TRAM2: variants seen among roughly 807,000 people sequenced by gnomAD.
TRAM2 encodes the protein translocating chain-associated membrane protein 2.
A neutral mutation model predicts 51.0 loss-of-function variants in TRAM2; 12 were observed. The observed-to-expected ratio is 0.24, with a 90% CI of 0.15 to 0.38. The LOEUF (loss-of-function observed/expected upper bound fraction) is 0.38. Ranked by LOEUF, TRAM2 falls within the 10% of genes least tolerant of loss-of-function variation. The pLI, the probability that TRAM2 is intolerant of heterozygous loss-of-function variation, is 1.00. For synonymous variants in TRAM2, 175 were observed against 179.4 expected (o/e 0.98, Z 0.20); for missense variants, 361 against 462.0 (o/e 0.78, Z 2.00).
chr6:52,559,428 T>C (rs1378291400), intron 1 of TRAM2, among the ~76,000 whole-genome samples: 1 of 152,196 alleles, frequency 6.6e-6, no homozygotes, highest in Non-Finnish European at 1.5e-5. Context: ...GGACCTTGAA[T>C]TGTGGCTCTG....
At chr6:52,536,977 A>G (rs552642208) in intron 1 of TRAM2, among the ~76,000 whole-genome samples, 1 of 152,310 alleles carries the variant, frequency 6.6e-6, no homozygotes, top group African/African-American at 2.4e-5. Context: ...CAGCATGGAA[A>G]TGAGTGAATG....
chr6:52,553,776 T>C (rs1175566211), intron 1 of TRAM2, among the ~76,000 whole-genome samples: 1 of 152,162 alleles, frequency 6.6e-6, no homozygotes, highest in African/African-American at 2.4e-5. Context: ...ATAGAATCCA[T>C]AAAGAGGACT....
At chr6:52,509,228 A>G (rs1766404712) in intron 5 of TRAM2, among the ~76,000 whole-genome samples, 1 of 152,160 alleles carries the variant, frequency 6.6e-6, no homozygotes, top group East Asian at 1.9e-4. Flanking sequence ...GGGGGTCGCC[A>G]AGAAGGTAGA....
intron 7 of TRAM2, among the ~76,000 whole-genome samples, chr6:52,506,403 C>G (rs1766351521): frequency 6.6e-6 from 1 of 152,224 alleles, no homozygotes; most frequent in Non-Finnish European, 1.5e-5. Flanking sequence ...CTCGCATAGG[C>G]CCTTCACAGT....
At chr6:52,571,354 C>A (rs1767677095) in intron 1 of TRAM2, among the ~76,000 whole-genome samples, 1 of 152,232 alleles carries the variant, frequency 6.6e-6, no homozygotes, top group South Asian at 2.1e-4. Context: ...GGAGCTCATG[C>A]CTGCCAGAGT....
chr6:52,520,786 T>C (rs1766657817), intron 2 of TRAM2, among the ~76,000 whole-genome samples: 1 of 152,164 alleles, frequency 6.6e-6, no homozygotes, highest in Non-Finnish European at 1.5e-5. Flanking sequence ...TTTCTGGTAA[T>C]ATACCATTCC....
chr6:52,514,952 TA>T (rs1355009213), intron 4 of TRAM2, among the ~76,000 whole-genome samples: 1 of 152,202 alleles, frequency 6.6e-6, no homozygotes, highest in African/African-American at 2.4e-5. Context: ...GCCCCCCATT[TA>T]AAATTCCTAG....
At chr6:52,524,043 G>T (rs1042278645) in intron 2 of TRAM2, 1 of 152,200 alleles carries the variant, frequency 6.6e-6, no homozygotes, top group Non-Finnish European at 1.5e-5. Flanking sequence ...GCAATAGAGC[G>T]ATTTAAAAAC....
chr6:52,556,262 T>C (rs1258245851), intron 1 of TRAM2, among the ~76,000 whole-genome samples: 2 of 142,654 alleles, frequency 1.4e-5, no homozygotes, highest in Non-Finnish European at 3.0e-5. Flanking sequence ...ACCCACTCAA[T>C]CTGTACTTTT....
chr6:52,504,260 G>A (rs965367604), intron 10 of TRAM2, among the ~76,000 whole-genome samples: 4 of 152,336 alleles, frequency 2.6e-5, no homozygotes, highest in East Asian at 1.9e-4. Context: ...AATGGGCGGC[G>A]GCGGCAGTAG....
At chr6:52,561,118 A>G (rs1767491791) in intron 1 of TRAM2, among the ~76,000 whole-genome samples, 1 of 152,226 alleles carries the variant, frequency 6.6e-6, no homozygotes, top group African/African-American at 2.4e-5. Context: ...GCTACGTGAA[A>G]GAAGCCAGGT....
At chr6:52,524,979 G>A (rs906670193) in intron 2 of TRAM2, 4 of 152,238 alleles carry the variant, frequency 2.6e-5, no homozygotes, top group East Asian at 1.9e-4. Flanking sequence ...ACAATCAGAC[G>A]CTAAAGGAAC....
At chr6:52,531,936 T>C (rs182810320) in intron 2 of TRAM2, among the ~76,000 whole-genome samples, 4 of 152,290 alleles carry the variant, frequency 2.6e-5, no homozygotes, top group Admixed American at 6.5e-5. Flanking sequence ...TGGCTAACAA[T>C]AGGCACACAA....
At chr6:52,532,792 T>G (rs763356060) in intron 2 of TRAM2, among the ~76,000 whole-genome samples, 2 of 151,344 alleles carry the variant, frequency 1.3e-5, no homozygotes, top group African/African-American at 4.8e-5. Context: ...ACAAAAAGGT[T>G]CATCATATTA....
chr6:52,523,913 A>G (rs1477647496), intron 2 of TRAM2: 1 of 152,270 alleles, frequency 6.6e-6, no homozygotes, highest in Admixed American at 6.5e-5. Context: ...GAGCTTAAAA[A>G]CACGCATTCT....
At chr6:52,517,775 A>G (rs926911526) in intron 2 of TRAM2, among the ~76,000 whole-genome samples, 10 of 152,240 alleles carry the variant, frequency 6.6e-5, no homozygotes, top group African/African-American at 2.4e-4. Flanking sequence ...ATTTACCAGA[A>G]GGTAGCCAGG....
chr6:52,563,754 G>C (rs1488166127), intron 1 of TRAM2, among the ~76,000 whole-genome samples: 2 of 150,894 alleles, frequency 1.3e-5, no homozygotes, highest in Non-Finnish European at 2.9e-5. Context: ...GATGAGAACA[G>C]GTGGGGAGGG....
chr6:52,502,714 C>T lies in TRAM2; in HGVS notation c.*483G>A, dbSNP rs9296679. Reference sequence around the variant, plus strand: ...TCTTCTTGCCCATCCACATGAGGACCACCAAGGGCCTACCAGCCCCAGGCT... The same window carrying T: ...TCTTCTTGCCCATCCACATGAGGACTACCAAGGGCCTACCAGCCCCAGGCT... On this transcript the variant is annotated 3_prime_UTR_variant, in exon 11 of 11. Coordinates refer to ENST00000182527, the MANE Select transcript of TRAM2 (RefSeq NM_012288.4). 0.012 allele frequency: 1,935 copies of T among 165,606 alleles called. 47 individuals are homozygous for T. Among genetic ancestry groups the T allele is most frequent in the African/African-American group, 0.044 (1,826 of 41,674 alleles). The allele number at this position is 165,606 out of a possible 1,614,324, so 10.3% of individuals were successfully genotyped here.
chr6:52,506,205 T>TG (rs1255211311), intron 7 of TRAM2, 69 bp from the exon 8 acceptor site: 1 of 1,424,450 alleles, frequency 7.0e-7, no homozygotes, highest in African/African-American at 1.4e-5. Flanking sequence ...CATTGCATCT[T>TG]GGCTCAGGCT....
Sources: allele counts gnomAD v4.1 joint callset (sites outside exome capture counted in the v4.1 genomes callset), GRCh38; gene constraint gnomAD v4.1.1; transcripts MANE v1.5; gene names NCBI Gene and HGNC (gene_info 2026-07-23, HGNC 2026-07-21).